KLF13: variants seen among roughly 807,000 people sequenced by gnomAD.
KLF13 encodes KLF transcription factor 13.
In KLF13, 8 loss-of-function variants were observed where a neutral mutation model predicts 16.7. The ratio of observed to expected loss-of-function variants is 0.48; its 90% CI spans 0.28 to 0.87. The LOEUF (loss-of-function observed/expected upper bound fraction) is 0.87, where lower values mean the gene tolerates loss of function less well. Among genes scored for constraint, KLF13 ranks in the 40% least tolerant of loss-of-function variants. The probability of loss-of-function intolerance (pLI) is 0.10; values close to 1 mark genes in which losing one functional copy is unlikely to be tolerated. For synonymous variants in KLF13, 245 were observed against 208.4 expected, an observed-to-expected ratio of 1.18 and a Z score of -1.51; for missense variants, 447 against 452.2, an observed-to-expected ratio of 0.99 and a Z score of 0.10.
chr15:31,350,475 C>T (rs2039199275), intron 1 of KLF13, among the ~76,000 whole-genome samples: 1 of 152,196 alleles, frequency 6.6e-6, no homozygotes. Flanking sequence ...CAAGGATGCT[C>T]CACTTTGCTT....
At chr15:31,347,456 G>A (rs928610596) in intron 1 of KLF13, among the ~76,000 whole-genome samples, 1 of 152,168 alleles carries the variant, frequency 6.6e-6, no homozygotes, top group African/African-American at 2.4e-5. Flanking sequence ...GTGTGCTAGC[G>A]TCAAAGGGCA....
intron 1 of KLF13, among the ~76,000 whole-genome samples, chr15:31,422,272 G>T (rs2040337609): frequency 6.6e-6 from 1 of 152,100 alleles, no homozygotes; most frequent in South Asian, 2.1e-4. Flanking sequence ...AAATACCCAA[G>T]ACTGGGTAAT....
At chr15:31,351,698 G>A (rs1393272121) in intron 1 of KLF13, among the ~76,000 whole-genome samples, 2 of 152,208 alleles carry the variant, frequency 1.3e-5, no homozygotes, top group Non-Finnish European at 2.9e-5. Context: ...AGAGTGGGCG[G>A]GTGGCTGTTG....
chr15:31,429,352 C>T (rs890076594), intron 1 of KLF13, among the ~76,000 whole-genome samples: 17 of 152,118 alleles, frequency 1.1e-4, no homozygotes, highest in Non-Finnish European at 2.1e-4. Context: ...AAATAATGCC[C>T]GATTCCGCTT....
At chr15:31,335,623 C>G (rs1322158338) in intron 1 of KLF13, among the ~76,000 whole-genome samples, 1 of 152,272 alleles carries the variant, frequency 6.6e-6, no homozygotes, top group African/African-American at 2.4e-5. Flanking sequence ...GTTTATTGTT[C>G]TCCATTTTTG....
intron 1 of KLF13, among the ~76,000 whole-genome samples, chr15:31,335,231 C>CTG (rs1434369619): frequency 6.6e-6 from 1 of 152,126 alleles, no homozygotes; most frequent in Non-Finnish European, 1.5e-5. Context: ...ATGTTACCAG[C>CTG]TGTTTGTGAG....
intron 1 of KLF13, among the ~76,000 whole-genome samples, chr15:31,368,461 C>T (rs1490597443): frequency 1.3e-5 from 2 of 152,150 alleles, no homozygotes; most frequent in African/African-American, 4.8e-5. Context: ...GATAACATTT[C>T]TTTGAACATG....
rs556491645 is a variant in KLF13, at chr15:31,345,660, A to G, written c.577+17871A>G. On this transcript the variant is annotated intron_variant, in intron 1 of 1. Transcript: ENST00000307145. ...CTCACCAGGGGACCCTGCCCTACTC[A>G]CTGTCTTCCAGTGGCCCTACATGGG... Among the ~76,000 whole-genome samples, 10 of 152,172 alleles carry G rather than the reference A, an allele frequency of 6.6e-5. No homozygotes were observed. The East Asian group carries it at 1.7e-3, about 26-fold the overall frequency.
At chr15:31,340,585 C>A (rs766089583) in intron 1 of KLF13, among the ~76,000 whole-genome samples, 4 of 152,210 alleles carry the variant, frequency 2.6e-5, no homozygotes, top group Non-Finnish European at 4.4e-5. Flanking sequence ...GGAAAATATA[C>A]TTTTTTAGTG....
At chr15:31,357,175 C>T (rs1357947667) in intron 1 of KLF13, among the ~76,000 whole-genome samples, 2 of 152,220 alleles carry the variant, frequency 1.3e-5, no homozygotes, top group Non-Finnish European at 2.9e-5. Flanking sequence ...TAAGCCTTTG[C>T]TTTCAAACTC....
At chr15:31,411,369 G>T in intron 1 of KLF13, among the ~76,000 whole-genome samples, 1 of 150,522 alleles carries the variant, frequency 6.6e-6, no homozygotes, top group African/African-American at 2.4e-5. Context: ...TTCAATCAAT[G>T]TAACTTACCA....
At chr15:31,384,991 A>C (rs537198439) in intron 1 of KLF13, among the ~76,000 whole-genome samples, 1 of 152,180 alleles carries the variant, frequency 6.6e-6, no homozygotes. Flanking sequence ...TGATTAGACC[A>C]TGAGGGTGGA....
intron 1 of KLF13, among the ~76,000 whole-genome samples, chr15:31,433,667 G>A (rs1595520216): frequency 6.6e-6 from 1 of 151,784 alleles, no homozygotes; most frequent in Non-Finnish European, 1.5e-5. Context: ...GCACCTTTGT[G>A]GGCCCCAGGG....
At chr15:31,406,928 A>G (rs1366527181), downstream of KLF13, among the ~76,000 whole-genome samples, 1 of 152,068 alleles carries the variant, frequency 6.6e-6, no homozygotes, top group African/African-American at 2.4e-5. Context: ...GACTCTTGTG[A>G]TTACATTGGG....
chr15:31,432,170 T>C (rs1364354112), intron 1 of KLF13, among the ~76,000 whole-genome samples: 1 of 152,142 alleles, frequency 6.6e-6, no homozygotes, highest in Non-Finnish European at 1.5e-5. Flanking sequence ...GTCGTTTTGC[T>C]GAAAAAGGAA....
At chr15:31,435,333 C>T (rs369990881) in intron 1 of KLF13, 1 of 152,174 alleles carries the variant, frequency 6.6e-6, no homozygotes, top group Admixed American at 6.5e-5. Context: ...TGTGTTTAAT[C>T]TCAAAACGGC....
At chr15:31,407,427 C>A (rs1225414923), downstream of KLF13, among the ~76,000 whole-genome samples, 2 of 152,164 alleles carry the variant, frequency 1.3e-5, no homozygotes, top group Non-Finnish European at 2.9e-5. Context: ...ACAAGCTCAG[C>A]AGCAGGATGT....
chr15:31,391,121 G>A (rs1402242418), upstream of KLF13, among the ~76,000 whole-genome samples: 3 of 84,678 alleles, frequency 3.5e-5, no homozygotes, highest in Non-Finnish European at 5.1e-5. Context: ...GGGGGGCTGT[G>A]TGGGGCTGAG....
At chr15:31,383,768 G>A (rs1299970987) in intron 1 of KLF13, among the ~76,000 whole-genome samples, 1 of 152,172 alleles carries the variant, frequency 6.6e-6, no homozygotes, top group Non-Finnish European at 1.5e-5. Flanking sequence ...TGGGCGTGGT[G>A]GTGGGCGCCT....
Sources: gnomAD v4.1 joint callset for allele counts (sites outside exome capture counted in the v4.1 genomes callset) on GRCh38, gnomAD v4.1.1 for gene constraint, MANE v1.5 for transcripts, NCBI Gene and HGNC (gene_info 2026-07-23, HGNC 2026-07-21) for gene names.